DYNLT2: variants seen among roughly 807,000 people sequenced by gnomAD.
DYNLT2 encodes dynein light chain Tctex-type protein 2.
Under a neutral mutation model 24.3 loss-of-function variants are expected in DYNLT2, and 24 were observed. The observed-to-expected ratio is 0.99, with a 90% CI of 0.71 to 1.39. The LOEUF is 1.39. Among genes scored for constraint, DYNLT2 ranks in the 40% most tolerant of loss-of-function variants. The pLI is 0.00. For synonymous variants in DYNLT2, 85 were observed against 85.4 expected (o/e 1.00, Z 0.03); for missense variants, 246 against 234.5 (o/e 1.05, Z -0.32).
chr6:169,732,684 T>C, the DYNLT2 span, among the ~76,000 whole-genome samples: 2 of 152,360 alleles, frequency 1.3e-5, no homozygotes, highest in Non-Finnish European at 2.9e-5. Context: ...CAGTCTATCA[T>C]TGATGGGCAT....
chr6:169,737,666 G>A (rs1360271644), downstream of DYNLT2, among the ~76,000 whole-genome samples: 1 of 152,164 alleles, frequency 6.6e-6, no homozygotes, highest in Non-Finnish European at 1.5e-5. Flanking sequence ...CTGGAAAGCA[G>A]CAAAGATGGG....
chr6:169,742,032 A>G (rs1033202632), intron 3 of DYNLT2, among the ~76,000 whole-genome samples: 1 of 152,070 alleles, frequency 6.6e-6, no homozygotes, highest in African/African-American at 2.4e-5. Context: ...ACCTCTACAG[A>G]TTCTTCCAAA....
At chr6:169,742,070 A>G (rs1296105658) in intron 3 of DYNLT2, among the ~76,000 whole-genome samples, 1 of 151,020 alleles carries the variant, frequency 6.6e-6, no homozygotes, top group Admixed American at 6.6e-5. Flanking sequence ...TTTCTCTCCA[A>G]CTCCCACATA....
chr6:169,747,519 T>C (rs1310484379), intron 1 of DYNLT2, among the ~76,000 whole-genome samples: 1 of 152,154 alleles, frequency 6.6e-6, no homozygotes, highest in Non-Finnish European at 1.5e-5. Context: ...TTTCCACATC[T>C]CTAAATGTCC....
chr6:169,728,292 G>T, the DYNLT2 span, among the ~76,000 whole-genome samples: 35 of 152,328 alleles, frequency 2.3e-4, no homozygotes, highest in South Asian at 4.1e-3. Context: ...ATGAACTGGA[G>T]ATTTCAATAA....
rs116083798 is a variant in DYNLT2, at chr6:169,748,394, A to T, written c.120+2945T>A. Among the ~76,000 whole-genome samples the T allele has an allele frequency of 8.8e-3, 1,125 of 127,998 alleles. 14 individuals carry two copies. The highest frequency in any genetic ancestry group is 0.037 in the African/African-American group (1,037 of 28,136). The allele number at this position is 127,998 out of a possible 152,430, so 84.0% of individuals were successfully genotyped here. A position where few individuals can be genotyped will look rare whatever the true frequency, so the allele number is the denominator to read the frequency against. ...GGCAATATTGGGGTTCACCTTACCT[A>T]TTTCTCATCTCTTGGAAATCACTCT... On this transcript the variant is annotated intron_variant, in intron 1 of 3. Transcript: ENST00000366774.
chr6:169,737,453 G>A (rs572803384), downstream of DYNLT2, among the ~76,000 whole-genome samples: 6 of 152,224 alleles, frequency 3.9e-5, no homozygotes, highest in African/African-American at 1.4e-4. Flanking sequence ...ATCTTCATGA[G>A]TTTGTCTAGT....
chr6:169,732,437 C>T, the DYNLT2 span, among the ~76,000 whole-genome samples: 2 of 152,150 alleles, frequency 1.3e-5, no homozygotes, highest in Non-Finnish European at 2.9e-5. Context: ...GTTCCCTCCC[C>T]TCCACTCTCA....
chr6:169,749,000 G>A (rs1302002715), intron 1 of DYNLT2, among the ~76,000 whole-genome samples: 4 of 152,114 alleles, frequency 2.6e-5, no homozygotes, highest in African/African-American at 9.7e-5. Context: ...TACTGATATA[G>A]CATTTCCTTA....
At chr6:169,730,618 GGC>G in the DYNLT2 span, among the ~76,000 whole-genome samples, 2 of 152,196 alleles carry the variant, frequency 1.3e-5, no homozygotes, top group African/African-American at 2.4e-5. Context: ...GTTCCGGCCG[GGC>G]GCGGTGGCTC....
chr6:169,731,231 C>T, the DYNLT2 span, among the ~76,000 whole-genome samples: 1 of 152,104 alleles, frequency 6.6e-6, no homozygotes, highest in East Asian at 1.9e-4. Context: ...GATCTGAGAT[C>T]TTTATAATGC....
chr6:169,737,166 G>A (rs1789579251), downstream of DYNLT2, among the ~76,000 whole-genome samples: 1 of 152,120 alleles, frequency 6.6e-6, no homozygotes, highest in African/African-American at 2.4e-5. Flanking sequence ...AGCTCCATCA[G>A]GTTGGTTATG....
intron 1 of DYNLT2, among the ~76,000 whole-genome samples, chr6:169,748,515 C>T (rs1789862833): frequency 6.6e-6 from 1 of 152,200 alleles, no homozygotes; most frequent in Admixed American, 6.5e-5. Flanking sequence ...TCCATATTGG[C>T]TGCGAGTAGA....
chr6:169,741,859 G>T (rs1407257696), intron 3 of DYNLT2, among the ~76,000 whole-genome samples: 2 of 151,922 alleles, frequency 1.3e-5, no homozygotes, highest in African/African-American at 4.8e-5. Context: ...CATCTACAAC[G>T]TCCCTATTTC....
intron 3 of DYNLT2, among the ~76,000 whole-genome samples, chr6:169,741,987 C>T (rs1789690238): frequency 6.6e-6 from 1 of 152,152 alleles, no homozygotes; most frequent in Non-Finnish European, 1.5e-5. Flanking sequence ...GGTCCCCCTC[C>T]CCATGCTTCA....
intron 1 of DYNLT2, among the ~76,000 whole-genome samples, chr6:169,747,199 A>G (rs1437376758): frequency 6.6e-6 from 1 of 151,700 alleles, no homozygotes; most frequent in African/African-American, 2.4e-5. Context: ...GTCTGTTTCT[A>G]TGTGTGTAAC....
intron 1 of DYNLT2, among the ~76,000 whole-genome samples, chr6:169,747,848 G>T (rs1417533506): frequency 6.6e-6 from 1 of 152,180 alleles, no homozygotes. Context: ...AGACCAGACA[G>T]TGTGAATTTT....
At chr6:169,725,423 C>T in the DYNLT2 span, 3 of 397,706 alleles carry the variant, frequency 7.5e-6, no homozygotes, top group African/African-American at 6.2e-5. Context: ...TCACTTGCCT[C>T]AGGTCAGAGA....
downstream of DYNLT2, among the ~76,000 whole-genome samples, chr6:169,737,813 T>C (rs141257565): frequency 9.1e-3 from 1,380 of 152,242 alleles, 19 homozygotes; most frequent in South Asian, 0.048. Context: ...GCAGGACCCA[T>C]CTAATGAAGC....
Sources: gnomAD v4.1 joint callset for allele counts (sites outside exome capture counted in the v4.1 genomes callset) on GRCh38, gnomAD v4.1.1 for gene constraint, MANE v1.5 for transcripts, NCBI Gene and HGNC (gene_info 2026-07-23, HGNC 2026-07-21) for gene names.